The following SRP54 variants were observed in gnomAD, a reference collection of about 807,000 sequenced individuals.
SRP54 encodes signal recognition particle subunit SRP54.
Under a neutral mutation model 64.8 loss-of-function variants are expected in SRP54, and 10 were observed. The ratio of observed to expected loss-of-function variants is 0.15; its 90% CI spans 0.10 to 0.26. The LOEUF is 0.26. Among genes scored for constraint, SRP54 ranks in the 10% least tolerant of loss-of-function variants. The pLI is 1.00. For missense variants in SRP54, 325 were observed against 613.7 expected, an observed-to-expected ratio of 0.53 and a Z score of 4.97; for synonymous variants, 193 against 185.6, an observed-to-expected ratio of 1.04 and a Z score of -0.32.
intron 11 of SRP54, among the ~76,000 whole-genome samples, chr14:35,016,938 T>C (rs2044453286): frequency 6.9e-6 from 1 of 144,428 alleles, no homozygotes; most frequent in African/African-American, 2.5e-5. Context: ...CAGTGCAACC[T>C]CCGCCTCCCA....
At chr14:35,025,595 G>C (rs1433111713) in intron 14 of SRP54, among the ~76,000 whole-genome samples, 2 of 152,136 alleles carry the variant, frequency 1.3e-5, no homozygotes, top group Non-Finnish European at 2.9e-5. Flanking sequence ...AGTTGGCAGT[G>C]GGTATACACA....
intron 3 of SRP54, 162 bp downstream of exon 3, chr14:34,999,811 A>G (rs1365442530): frequency 6.1e-6 from 3 of 491,042 alleles, no homozygotes; most frequent in Non-Finnish European, 1.1e-5. Context: ...CATGTGTAGT[A>G]CGTTTCCATA....
rs763830292 is a variant in SRP54 at position 35,029,056 on chromosome 14, T to A, written c.1424-5T>A. The A allele has an allele frequency of 6.2e-7, 1 of 1,612,530 alleles. No homozygotes were observed. Among genetic ancestry groups the A allele is most frequent in the Non-Finnish European group, 8.5e-7 (1 of 1,179,038 alleles). On this transcript the variant is annotated splice_polypyrimidine_tract_variant and splice_region_variant and intron_variant, in intron 15 of 15. Coordinates refer to ENST00000216774, the MANE Select transcript of SRP54 (RefSeq NM_003136.4). Reference sequence around the variant, plus strand: ...TTTAACTCTACTTCCCTACTTTTGCTCTAGGTGGTATGGCAGGACTTCAGT... The same window carrying A: ...TTTAACTCTACTTCCCTACTTTTGCACTAGGTGGTATGGCAGGACTTCAGT...
At chr14:35,027,249 C>G (rs1037390021) in intron 14 of SRP54, among the ~76,000 whole-genome samples, 1 of 151,752 alleles carries the variant, frequency 6.6e-6, no homozygotes, top group Non-Finnish European at 1.5e-5. Context: ...AGGCTGGTCT[C>G]GAACTCCTGA....
At chr14:34,991,366 G>A (rs1414399886) in intron 1 of SRP54, among the ~76,000 whole-genome samples, 2 of 151,814 alleles carry the variant, frequency 1.3e-5, no homozygotes, top group Non-Finnish European at 2.9e-5. Flanking sequence ...CTGACCTCAG[G>A]CAATCCACTC....
intron 5 of SRP54, among the ~76,000 whole-genome samples, chr14:35,008,145 T>A (rs969748012): frequency 2.6e-5 from 4 of 152,174 alleles, no homozygotes; most frequent in Non-Finnish European, 4.4e-5. Context: ...GAGTCTTACT[T>A]TTATTGCCCA....
chr14:35,022,422 T>C (rs1217732857), intron 13 of SRP54, among the ~76,000 whole-genome samples: 1 of 151,972 alleles, frequency 6.6e-6, no homozygotes, highest in Non-Finnish European at 1.5e-5. Context: ...AATGGCGCAA[T>C]CTTGGCTCAC....
intron 10 of SRP54, 130 bp downstream of exon 10, chr14:35,014,032 C>T (rs143818355): frequency 1.8e-5 from 12 of 660,590 alleles, no homozygotes; most frequent in Non-Finnish European, 3.0e-5. Context: ...GTTTCCTTAC[C>T]TGTAAAATAG....
At chr14:35,027,539 C>T (rs1443703155) in intron 14 of SRP54, among the ~76,000 whole-genome samples, 2 of 152,068 alleles carry the variant, frequency 1.3e-5, no homozygotes, top group Non-Finnish European at 2.9e-5. Flanking sequence ...GAGTGGGTCA[C>T]GAGGTCAGGT....
chr14:34,989,620 T>A (rs1566641013), intron 1 of SRP54, among the ~76,000 whole-genome samples: 1 of 152,300 alleles, frequency 6.6e-6, no homozygotes, highest in East Asian at 1.9e-4. Context: ...TTTTGGACAC[T>A]GCAGCTTCTG....
intron 11 of SRP54, among the ~76,000 whole-genome samples, chr14:35,017,204 A>G (rs963115945): frequency 2.0e-5 from 3 of 151,970 alleles, no homozygotes; most frequent in Non-Finnish European, 4.4e-5. Context: ...TTCTGCTACC[A>G]CTATGAAGCT....
chr14:35,014,290 T>TTTTTTTTTTTTTTTGTTTTG (rs376712278), intron 10 of SRP54, among the ~76,000 whole-genome samples: 3 of 127,282 alleles, frequency 2.4e-5, no homozygotes, highest in East Asian at 2.7e-4. Context: ...TTTTTTTTTT[T>TTTTTTTTTTTTTTTGTTTTG]TTTTGAGACG....
At chr14:35,014,054 A>G (rs2044397633) in intron 10 of SRP54, 152 bp downstream of exon 10, 2 of 611,138 alleles carry the variant, frequency 3.3e-6, no homozygotes, top group Admixed American at 3.3e-5. Flanking sequence ...GATAATGGTT[A>G]TCTGCCCTCT....
At chr14:35,017,257 T>C (rs2044458639) in intron 11 of SRP54, among the ~76,000 whole-genome samples, 1 of 152,214 alleles carries the variant, frequency 6.6e-6, no homozygotes, top group Non-Finnish European at 1.5e-5. Flanking sequence ...CTCCTGACTC[T>C]CCTTAAGTCT....
chr14:34,987,371 T>C (rs2043916202), intron 1 of SRP54, among the ~76,000 whole-genome samples: 1 of 151,016 alleles, frequency 6.6e-6, no homozygotes, highest in Non-Finnish European at 1.5e-5. Flanking sequence ...TACGCAACTA[T>C]CACCATAATC....
chr14:35,003,119 A>G (rs1164652693), intron 4 of SRP54, among the ~76,000 whole-genome samples: 2 of 152,172 alleles, frequency 1.3e-5, no homozygotes, highest in South Asian at 2.1e-4. Flanking sequence ...AGAAGCATTT[A>G]TTGAGTACCT....
intron 15 of SRP54, among the ~76,000 whole-genome samples, chr14:35,028,706 C>A (rs1216237138): frequency 1.3e-5 from 2 of 151,680 alleles, no homozygotes; most frequent in Admixed American, 6.6e-5. Flanking sequence ...TGAAATAATC[C>A]CCTATTGATT....
intron 4 of SRP54, among the ~76,000 whole-genome samples, chr14:35,006,313 T>C (rs1411520599): frequency 1.3e-5 from 2 of 152,224 alleles, no homozygotes; most frequent in African/African-American, 4.8e-5. Flanking sequence ...CTTTCACATA[T>C]AATCTGTAAT....
intron 1 of SRP54, among the ~76,000 whole-genome samples, chr14:34,995,002 C>T (rs2044043555): frequency 1.4e-5 from 2 of 143,980 alleles, no homozygotes; most frequent in South Asian, 4.4e-4. Flanking sequence ...GGCTGGTTTC[C>T]AACTCCTGAG....
Sources: gnomAD v4.1 joint callset for allele counts (sites outside exome capture counted in the v4.1 genomes callset) on GRCh38, gnomAD v4.1.1 for gene constraint, MANE v1.5 for transcripts, NCBI Gene and HGNC (gene_info 2026-07-23, HGNC 2026-07-21) for gene names.